Variants in NODAL observed in about 807,000 individuals in gnomAD.
NODAL encodes the protein nodal homolog.
A neutral mutation model predicts 34.0 loss-of-function variants in NODAL; 12 were observed. The observed-to-expected ratio is 0.35, with a 90% CI of 0.23 to 0.57. The LOEUF (loss-of-function observed/expected upper bound fraction) is 0.57, where lower values mean the gene tolerates loss of function less well. Among genes scored for constraint, NODAL ranks in the 20% least tolerant of loss-of-function variants. The probability of loss-of-function intolerance (pLI) is 0.83; values close to 1 mark genes in which losing one functional copy is unlikely to be tolerated. For synonymous variants in NODAL, 162 were observed against 186.4 expected (o/e 0.87, Z 1.07); for missense variants, 390 against 444.2 (o/e 0.88, Z 1.10).
chr10:70,432,877 TC>T lies in NODAL; in HGVS notation c.*58del. ...ACTGGATTAGATGGTTATCATGTCT[TC>T]CAGGAGTTTCCCAGCCTTCCAGAGT... On this transcript the variant is annotated 3_prime_UTR_variant, in exon 3 of 3. Transcript: ENST00000287139. 1 of 1,595,658 alleles carries T rather than the reference TC, an allele frequency of 6.3e-7. No individual in the cohort carries two copies. The highest frequency in any genetic ancestry group is 8.6e-7 in the Non-Finnish European group (1 of 1,163,836).
At position 70,433,098 on chromosome 10, in the gene NODAL, A is replaced by G; in HGVS notation, c.892-10T>C. ...AACGTTTCAGCAGACTCTGTAAAGGAAAGGAAGGGTGTGTCAATTCACATC... is the reference window on the plus strand; with the variant it reads ...AACGTTTCAGCAGACTCTGTAAAGGGAAGGAAGGGTGTGTCAATTCACATC... On this transcript the variant is annotated splice_polypyrimidine_tract_variant and intron_variant, in intron 2 of 2. Transcript: ENST00000287139. 6.2e-7 allele frequency: 1 copy of G among 1,613,880 alleles called. No individual in the cohort carries two copies. Among genetic ancestry groups the G allele is most frequent in the Non-Finnish European group, 8.5e-7 (1 of 1,180,038 alleles).
At chr10:70,444,121 T>C (rs1183885308), upstream of NODAL, among the ~76,000 whole-genome samples, 1 of 151,752 alleles carries the variant, frequency 6.6e-6, no homozygotes, top group South Asian at 2.1e-4. Flanking sequence ...TTATTAGAGA[T>C]GGGGTTTTGC....
chr10:70,445,309 G>A (rs555814300), upstream of NODAL, among the ~76,000 whole-genome samples: 1 of 152,260 alleles, frequency 6.6e-6, no homozygotes, highest in East Asian at 1.9e-4. Context: ...CCAGACTAGA[G>A]TGCAGTGGTG....
At chr10:70,436,140 A>T in intron 1 of NODAL, 157 bp from the exon 2 acceptor site, 1 of 700,400 alleles carries the variant, frequency 1.4e-6, no homozygotes, top group South Asian at 1.6e-5. Context: ...AAGATTTTCG[A>T]GTCCCTTTTA....
At position 70,441,606 on chromosome 10, in the gene NODAL, G is replaced by A. The variant is rs1452229395; in HGVS notation, c.62C>T (p.Ala21Val). Residue 21 changes from alanine to valine, a missense_variant, in exon 1 of 3, where the codon GCT becomes GTT. Physicochemically the swap from Ala to Val is moderately conservative, Grantham distance 64. Coordinates refer to ENST00000287139, the MANE Select transcript of NODAL (RefSeq NM_018055.5). ...CAGGAGCGCAGTGGCCACCGTCGCA[G>A]CACCCGCCTGGAGTAGGGCCCACCA... The part of the protein sequence containing the change: ...HAWWALLQAG[A>V]ATVATALLRT... The A allele has an allele frequency of 6.4e-7, 1 of 1,554,218 alleles. No homozygotes were observed. The highest frequency in any genetic ancestry group is 8.7e-7 in the Non-Finnish European group (1 of 1,149,886).
At chr10:70,434,072 C>T (rs564787579) in intron 2 of NODAL, among the ~76,000 whole-genome samples, 31 of 152,178 alleles carry the variant, frequency 2.0e-4, no homozygotes, top group Non-Finnish European at 2.9e-4. Context: ...CCCATGTGCT[C>T]ATGCTCCCCA....
chr10:70,438,599 C>T (rs1845385547), intron 1 of NODAL, among the ~76,000 whole-genome samples: 3 of 152,244 alleles, frequency 2.0e-5, no homozygotes, highest in Admixed American at 1.3e-4. Context: ...TGCCCAGGTC[C>T]GAGAGTTAGA....
chr10:70,435,922 T>C lies in NODAL; in HGVS notation c.255A>G (p.Gln85=). ...GGAGCTCAGCCCATGCCAGATCCTC[T>C]TGTTGGCTCAGGAAGGAGAAGTCAA... ...FAFDFSFLSQ[Q]EDLAWAELRL... The change falls in exon 2 of 3, where the codon CAA becomes CAG. Residue 85 remains glutamine, a synonymous_variant. Transcript: ENST00000287139. 1 of 1,614,174 alleles carries C rather than the reference T, an allele frequency of 6.2e-7. No individual in the cohort carries two copies. Among genetic ancestry groups the C allele is most frequent in the Non-Finnish European group, 8.5e-7 (1 of 1,180,028 alleles).
rs375311498 is a variant in NODAL at position 70,435,267 on chromosome 10, C to G, written c.891+19G>C. 305 of 1,591,166 alleles carry G rather than the reference C, an allele frequency of 1.9e-4. No individual in the cohort carries two copies. Among genetic ancestry groups the G allele is most frequent in the Non-Finnish European group, 2.3e-4 (272 of 1,168,094 alleles). Reference sequence around the variant, plus strand: ...GGCCAGCTTACTGCCTCCCCTCCCCCTCACGCCTGGCATCCCACCTGGATG... The same window carrying G: ...GGCCAGCTTACTGCCTCCCCTCCCCGTCACGCCTGGCATCCCACCTGGATG... On this transcript the variant is annotated intron_variant, in intron 2 of 2. Transcript: ENST00000287139.
intron 1 of NODAL, among the ~76,000 whole-genome samples, chr10:70,447,712 G>A (rs1845503569): frequency 6.6e-6 from 1 of 150,382 alleles, no homozygotes; most frequent in South Asian, 2.1e-4. Context: ...GCAAAATAAA[G>A]CATCGTAGAG....
rs1459201685 is a variant in NODAL at position 70,435,638 on chromosome 10, C to G, written c.539G>C (p.Cys180Ser). ...EKQMSRVAGECWPRPPTPPAT... is the reference protein window; with the variant it reads ...EKQMSRVAGESWPRPPTPPAT... ...AGGCGGTGTGGGGGGCCGCGGCCAGCACTCTCCAGCTACCCTGGACATCTG... is the reference window on the plus strand; with the variant it reads ...AGGCGGTGTGGGGGGCCGCGGCCAGGACTCTCCAGCTACCCTGGACATCTG... Residue 180 changes from cysteine to serine, a missense_variant, in exon 2 of 3, where the codon TGC becomes TCC. Cys to Ser is a moderately radical substitution (Grantham distance 112). Coordinates refer to ENST00000287139, the MANE Select transcript of NODAL (RefSeq NM_018055.5). The G allele has an allele frequency of 1.9e-6, 3 of 1,614,054 alleles. No homozygotes were observed. Among genetic ancestry groups the G allele is most frequent in the Non-Finnish European group, 2.5e-6 (3 of 1,179,976 alleles).
chr10:70,438,568 C>T (rs1193516544), intron 1 of NODAL, among the ~76,000 whole-genome samples: 1 of 152,160 alleles, frequency 6.6e-6, no homozygotes, highest in African/African-American at 2.4e-5. Flanking sequence ...AAACATTGGC[C>T]ATCATCAGCT....
chr10:70,445,162 C>T (rs2132222866), upstream of NODAL, among the ~76,000 whole-genome samples: 1 of 152,274 alleles, frequency 6.6e-6, no homozygotes, highest in Admixed American at 6.5e-5. Context: ...CAGCTCAGCT[C>T]AGAGCACCCT....
upstream of NODAL, among the ~76,000 whole-genome samples, chr10:70,444,179 C>T (rs181454352): frequency 6.6e-6 from 1 of 152,102 alleles, no homozygotes; most frequent in Non-Finnish European, 1.5e-5. Flanking sequence ...GCGATCCACC[C>T]GCCTCAGCCT....
rs201258671 is a variant in NODAL at position 70,435,630 on chromosome 10, G to A, written c.547C>T (p.Arg183Trp). The A allele has an allele frequency of 6.1e-5, 99 of 1,613,948 alleles. 1 individual carries two copies. Among genetic ancestry groups the A allele is most frequent in the Non-Finnish European group, 7.9e-5 (93 of 1,179,930 alleles). The part of the protein sequence containing the change: ...MSRVAGECWP[R>W]PPTPPATNVL... ...TTGGTGGCAGGCGGTGTGGGGGGCC[G>A]CGGCCAGCACTCTCCAGCTACCCTG... The change falls in exon 2 of 3, where the codon CGG becomes TGG. Residue 183 changes from arginine (R) to tryptophan (W), a missense_variant. Transcript: ENST00000287139.
chr10:70,435,281 C>A lies in NODAL; in HGVS notation c.891+5G>T. The A allele has an allele frequency of 6.2e-7, 1 of 1,605,106 alleles. No homozygotes were observed. Among genetic ancestry groups the A allele is most frequent in the Admixed American group, 1.7e-5 (1 of 58,442 alleles). ...CTCCCCTCCCCCTCACGCCTGGCATCCCACCTGGATGTATGCATGGTTGGT... is the reference window on the plus strand; with the variant it reads ...CTCCCCTCCCCCTCACGCCTGGCATACCACCTGGATGTATGCATGGTTGGT... On this transcript the variant is annotated splice_donor_5th_base_variant and intron_variant, in intron 2 of 2. Transcript: ENST00000287139.
chr10:70,441,527 G>A lies in NODAL; in HGVS notation c.141C>T (p.Leu47=). Reference sequence around the variant, plus strand: ...CTGCCCTCGGCAGCGGGTCGCGGTAGAGGCTCAGCATGTACGCCAGAGGGG... The same window carrying A: ...CTGCCCTCGGCAGCGGGTCGCGGTAAAGGCTCAGCATGTACGCCAGAGGGG... ...SPSPLAYMLS[L]YRDPLPRADI... The change falls in exon 1 of 3, where the codon CTC becomes CTT. Residue 47 remains leucine (L), a synonymous_variant. Transcript: ENST00000287139. 2.5e-6 allele frequency: 4 copies of A among 1,595,632 alleles called. No individual in the cohort carries two copies. Among genetic ancestry groups the A allele is most frequent in the Non-Finnish European group, 3.4e-6 (4 of 1,172,484 alleles).
chr10:70,435,258 C>T (rs1046746392), intron 2 of NODAL, 28 bp downstream of exon 2: 13 of 1,575,226 alleles, frequency 8.3e-6, no homozygotes, highest in African/African-American at 5.4e-5. Context: ...CTTACTGCCT[C>T]CCCTCCCCCT....
chr10:70,436,198 G>A (rs371176325), intron 1 of NODAL: 7 of 593,488 alleles, frequency 1.2e-5, no homozygotes, highest in South Asian at 1.9e-5. Flanking sequence ...TCTGACCAAG[G>A]TGTCATTCTT....
Sources: allele counts gnomAD v4.1 joint callset (sites outside exome capture counted in the v4.1 genomes callset), GRCh38; gene constraint gnomAD v4.1.1; transcripts MANE v1.5; gene names NCBI Gene and HGNC (gene_info 2026-07-23, HGNC 2026-07-21).